Variants in CDK14 observed in about 807,000 individuals in gnomAD.
The protein encoded by CDK14 is cyclin dependent kinase 14.
CDK14 carries 34 observed loss-of-function variants against 60.7 expected under a neutral mutation model. That is an observed-to-expected ratio of 0.56 (90% confidence interval 0.43 to 0.75). The LOEUF (loss-of-function observed/expected upper bound fraction) is 0.75. Ranked by LOEUF, CDK14 falls within the 30% of genes least tolerant of loss-of-function variation. CDK14 has a pLI of 0.00. For synonymous variants in CDK14, 197 were observed against 203.7 expected (o/e 0.97, Z 0.28); for missense variants, 482 against 564.1 (o/e 0.85, Z 1.47).
chr7:90,818,973 A>G (rs1789449338), intron 5 of CDK14, among the ~76,000 whole-genome samples: 1 of 151,952 alleles, frequency 6.6e-6, no homozygotes, highest in Non-Finnish European at 1.5e-5. Flanking sequence ...ATATTGCTGT[A>G]TTTGGAGTAA....
At chr7:90,946,778 A>G (rs1164964229) in intron 8 of CDK14, among the ~76,000 whole-genome samples, 1 of 152,052 alleles carries the variant, frequency 6.6e-6, no homozygotes, top group Non-Finnish European at 1.5e-5. Context: ...GAGGTTTCTG[A>G]AAACAAAAAA....
intron 5 of CDK14, among the ~76,000 whole-genome samples, chr7:90,861,397 A>G (rs73401839): frequency 0.03 from 4,627 of 152,304 alleles, 229 homozygotes; most frequent in African/African-American, 0.1. Flanking sequence ...GTGATAGCAA[A>G]GAGTGACACA....
At chr7:90,872,501 A>AG (rs1284452873) in intron 6 of CDK14, among the ~76,000 whole-genome samples, 1 of 152,198 alleles carries the variant, frequency 6.6e-6, no homozygotes, top group South Asian at 2.1e-4. Flanking sequence ...GTGCTCTCTT[A>AG]GGAACTTCTC....
At chr7:91,094,883 C>A (rs779637631) in intron 12 of CDK14, among the ~76,000 whole-genome samples, 2 of 152,124 alleles carry the variant, frequency 1.3e-5, no homozygotes, top group Admixed American at 6.6e-5. Context: ...TCATAAACAC[C>A]AATACTGGTG....
chr7:91,098,775 T>C (rs1423949196), intron 12 of CDK14, among the ~76,000 whole-genome samples: 1 of 152,178 alleles, frequency 6.6e-6, no homozygotes, highest in Non-Finnish European at 1.5e-5. Context: ...AAATTCACCA[T>C]GCCTTCTTTA....
chr7:90,940,841 G>A (rs1793907441), intron 8 of CDK14, among the ~76,000 whole-genome samples: 1 of 151,772 alleles, frequency 6.6e-6, no homozygotes, highest in African/African-American at 2.4e-5. Context: ...ATAGATATAT[G>A]TATTTATATA....
chr7:90,659,798 G>A (rs1800824781), intron 2 of CDK14, among the ~76,000 whole-genome samples: 1 of 150,828 alleles, frequency 6.6e-6, no homozygotes, highest in South Asian at 2.1e-4. Context: ...AGCAGTCTGG[G>A]GTTTTTGGAG....
chr7:90,863,283 G>A lies in CDK14; in HGVS notation c.639+14G>A, dbSNP rs371117865. 2.1e-6 allele frequency: 3 copies of A among 1,451,388 alleles called. No homozygotes were observed. In the African/African-American group the frequency reaches 4.2e-5, roughly 20 times the overall value. The allele number at this position is 1,451,388 out of a possible 1,614,324, so 89.9% of individuals were successfully genotyped here. A position where few individuals can be genotyped will look rare whatever the true frequency, so the allele number is the denominator to read the frequency against. ...TTTGAATATGTGGTAAGTAAAATAAGACTTTTAAATTTAGACATTTAAAAT... is the reference window on the plus strand; with the variant it reads ...TTTGAATATGTGGTAAGTAAAATAAAACTTTTAAATTTAGACATTTAAAAT... On this transcript the variant is annotated intron_variant, in intron 6 of 14. Transcript: ENST00000380050.
chr7:91,055,718 T>C (rs1209296993), intron 11 of CDK14, among the ~76,000 whole-genome samples: 2 of 152,220 alleles, frequency 1.3e-5, no homozygotes, highest in Non-Finnish European at 2.9e-5. Context: ...AAGTCTTGTA[T>C]ACTGTCCAAT....
chr7:91,167,553 G>A (rs779180673), intron 14 of CDK14, among the ~76,000 whole-genome samples: 3 of 152,178 alleles, frequency 2.0e-5, no homozygotes, highest in Admixed American at 1.3e-4. Flanking sequence ...TGGCTCCAAC[G>A]TGAGCCAGTC....
intron 7 of CDK14, among the ~76,000 whole-genome samples, chr7:90,916,657 T>C (rs897735430): frequency 6.6e-6 from 1 of 152,332 alleles, no homozygotes; most frequent in African/African-American, 2.4e-5. Context: ...TTATATAGAC[T>C]AGAATATTGG....
intron 6 of CDK14, among the ~76,000 whole-genome samples, chr7:90,869,607 G>C (rs944146122): frequency 1.3e-5 from 2 of 152,160 alleles, no homozygotes; most frequent in Non-Finnish European, 2.9e-5. Flanking sequence ...ATGGACCAAG[G>C]GTGGGGAAGT....
intron 5 of CDK14, among the ~76,000 whole-genome samples, chr7:90,853,258 C>G (rs556307529): frequency 4.6e-4 from 70 of 152,156 alleles, no homozygotes; most frequent in Admixed American, 1.2e-3. Flanking sequence ...ATTTTTTGGG[C>G]TTTTCAACTG....
intron 6 of CDK14, among the ~76,000 whole-genome samples, chr7:90,875,895 C>T (rs1275747872): frequency 6.6e-6 from 1 of 151,948 alleles, no homozygotes; most frequent in Non-Finnish European, 1.5e-5. Context: ...CTGAATATTT[C>T]ATTTATAATA....
rs114953345 is a variant in CDK14, at chr7:90,976,152, A to T, written c.948-7996A>T. Among the ~76,000 whole-genome samples, 1,182 of 152,270 alleles carry T rather than the reference A, an allele frequency of 7.8e-3. 19 individuals carry two copies. The highest frequency in any genetic ancestry group is 0.027 in the African/African-American group (1,141 of 41,554). On this transcript the variant is annotated intron_variant, in intron 9 of 14. Coordinates refer to ENST00000380050, the MANE Select transcript of CDK14 (RefSeq NM_001287135.2). ...AGAACATTCCCACTAACAGTATATA[A>T]GAGTTCCCTTTTCTCCACATCCTTG...
intron 10 of CDK14, among the ~76,000 whole-genome samples, chr7:91,013,172 C>T (rs1265329211): frequency 7.2e-5 from 11 of 152,222 alleles, no homozygotes; most frequent in Non-Finnish European, 4.4e-5. Flanking sequence ...AACTGAACCC[C>T]AAATTTCTTT....
Position 90,715,002 on chromosome 7 carries a change from G to A in CDK14, c.124-11565G>A, listed in dbSNP as rs1802196195. Among the ~76,000 whole-genome samples, 2 of 152,100 alleles carry A rather than the reference G, an allele frequency of 1.3e-5. 1 individual carries two copies. The highest frequency in any genetic ancestry group is 4.8e-5 in the African/African-American group (2 of 41,526). ...CTTTATTTTTAAACGCTGTTCATATGGTTACTGGGGGAAAGAATTCAGATC... is the reference window on the plus strand; with the variant it reads ...CTTTATTTTTAAACGCTGTTCATATAGTTACTGGGGGAAAGAATTCAGATC... On this transcript the variant is annotated intron_variant, in intron 2 of 14. Coordinates refer to ENST00000380050, the MANE Select transcript of CDK14 (RefSeq NM_001287135.2).
At chr7:91,075,626 G>A (rs1019082102) in intron 11 of CDK14, among the ~76,000 whole-genome samples, 1 of 152,170 alleles carries the variant, frequency 6.6e-6, no homozygotes, top group African/African-American at 2.4e-5. Context: ...AGGGCAATCA[G>A]GCAAGAGAAA....
intron 5 of CDK14, among the ~76,000 whole-genome samples, chr7:90,826,390 T>C (rs772038450): frequency 1.1e-4 from 17 of 152,080 alleles, no homozygotes; most frequent in Admixed American, 1.1e-3. Flanking sequence ...AGCTAATTTT[T>C]GTATTTTTAG....
Sources: allele counts gnomAD v4.1 joint callset (sites outside exome capture counted in the v4.1 genomes callset), GRCh38; gene constraint gnomAD v4.1.1; transcripts MANE v1.5; gene names NCBI Gene and HGNC (gene_info 2026-07-23, HGNC 2026-07-21).